Variants in TOP1MT observed in about 807,000 individuals in gnomAD.
The protein encoded by TOP1MT is DNA topoisomerase I, mitochondrial.
TOP1MT carries 80 observed loss-of-function variants against 73.9 expected under a neutral mutation model. The ratio of observed to expected loss-of-function variants is 1.08; its 90% CI spans 0.90 to 1.30. The LOEUF is 1.30. Ranked by LOEUF, TOP1MT falls within the 50% of genes most tolerant of loss-of-function variation. The pLI is 0.00. For synonymous variants in TOP1MT, 338 were observed against 326.4 expected (o/e 1.04, Z -0.38); for missense variants, 815 against 808.0 (o/e 1.01, Z -0.10).
intron 5 of TOP1MT, 114 bp from the exon 6 acceptor site, chr8:143,324,743 T>C: frequency 7.4e-7 from 1 of 1,342,514 alleles, no homozygotes; most frequent in Non-Finnish European, 1.0e-6. Flanking sequence ...GTGGCATGGC[T>C]CCTGACCGAG....
chr8:143,342,089 T>TAGAGAC (rs1554622676), intron 2 of TOP1MT, among the ~76,000 whole-genome samples: 2 of 107,620 alleles, frequency 1.9e-5, no homozygotes, highest in African/African-American at 2.1e-4. Context: ...TTATTATTAT[T>TAGAGAC]AGAGTCTCGC....
rs897886996 is a variant in TOP1MT at position 143,315,616 on chromosome 8, G to A, written c.1553+111C>T. 6.6e-5 allele frequency: 47 copies of A among 706,918 alleles called. No individual in the cohort carries two copies. The East Asian group carries it at 8.5e-4, about 13-fold the overall frequency. The allele number at this position is 706,918 out of a possible 1,614,324, so 43.8% of individuals were successfully genotyped here. On this transcript the variant is annotated intron_variant, in intron 12 of 13. Coordinates refer to ENST00000329245, the MANE Select transcript of TOP1MT (RefSeq NM_052963.3). ...TGTGTCTTTATTTCTACAATCTCTC[G>A]TCTCCGCACAAGGAGACAACAAGGG...
chr8:143,332,770 C>T (rs543639547), intron 1 of TOP1MT: 11 of 364,048 alleles, frequency 3.0e-5, no homozygotes, highest in East Asian at 1.5e-4. Flanking sequence ...TGGTGGCTCA[C>T]GCCTGTGATC....
At chr8:143,313,272 C>T (rs942879325) in intron 12 of TOP1MT, among the ~76,000 whole-genome samples, 5 of 152,150 alleles carry the variant, frequency 3.3e-5, no homozygotes, top group African/African-American at 9.7e-5. Context: ...AAGATGTGGC[C>T]GGGCGCAGTT....
intron 13 of TOP1MT, 96 bp downstream of exon 13, chr8:143,309,972 G>C (rs766498339): frequency 6.3e-7 from 1 of 1,596,892 alleles, no homozygotes; most frequent in Non-Finnish European, 8.5e-7. Context: ...CAGGGGACAC[G>C]GGACAAGGGC....
At chr8:143,330,997 G>C (rs1372161696) in intron 2 of TOP1MT, among the ~76,000 whole-genome samples, 1 of 152,204 alleles carries the variant, frequency 6.6e-6, no homozygotes, top group Non-Finnish European at 1.5e-5. Flanking sequence ...GGCACAGCCA[G>C]TGCAGGCTCA....
intron 3 of TOP1MT, chr8:143,328,444 C>T (rs1816761263): frequency 2.7e-6 from 1 of 367,076 alleles, no homozygotes; most frequent in Non-Finnish European, 5.4e-6. Flanking sequence ...CCAAAAGATG[C>T]TTAATATCAC....
intron 8 of TOP1MT, among the ~76,000 whole-genome samples, chr8:143,319,958 T>C (rs1339294024): frequency 6.6e-6 from 1 of 151,672 alleles, no homozygotes; most frequent in Admixed American, 6.6e-5. Flanking sequence ...ACCCTGTCTC[T>C]ACTAAGAATA....
rs556297610 is a variant in TOP1MT at position 143,328,739 on chromosome 8, C to T, written c.360+611G>A. On this transcript the variant is annotated intron_variant, in intron 3 of 13. Transcript: ENST00000329245. Reference sequence around the variant, plus strand: ...TAGGGAAATGGACTAGCATGAGTCACGGAACAGAGGAAACGCGACCCGGCC... The same window carrying T: ...TAGGGAAATGGACTAGCATGAGTCATGGAACAGAGGAAACGCGACCCGGCC... 4.1e-4 allele frequency among the ~76,000 whole-genome samples: 62 copies of T among 152,340 alleles called. 1 individual carries two copies. Among genetic ancestry groups the T allele is most frequent in the African/African-American group, 1.3e-3 (54 of 41,578 alleles).
chr8:143,359,339 A>T (rs1212862798), upstream of TOP1MT: 1 of 985,420 alleles, frequency 1.0e-6, no homozygotes, highest in African/African-American at 1.7e-5. Context: ...GGAGAAGAGA[A>T]GGGCAGGGAA....
At chr8:143,322,710 G>A (rs1205615523) in intron 7 of TOP1MT, among the ~76,000 whole-genome samples, 10 of 12,066 alleles carry the variant, frequency 8.3e-4, no homozygotes, top group Non-Finnish European at 1.1e-3. Flanking sequence ...CACGCCACAC[G>A]CACGCCACAC....
chr8:143,318,761 T>G (rs1816246573), intron 8 of TOP1MT, among the ~76,000 whole-genome samples: 1 of 151,698 alleles, frequency 6.6e-6, no homozygotes, highest in South Asian at 2.1e-4. Context: ...ACTGGCCCCC[T>G]CATCAGCCTG....
At position 143,342,641 on chromosome 8, in the gene TOP1MT, CTATTAT is replaced by C. The variant is rs1160096626; in HGVS notation, c.29+573_29+578del. Among the ~76,000 whole-genome samples the C allele has an allele frequency of 4.1e-4, 9 of 22,158 alleles. 2 individuals carry two copies. The highest frequency in any genetic ancestry group is 6.2e-3 in the South Asian group (2 of 322). The allele number at this position is 22,158 out of a possible 152,430, so 14.5% of individuals were successfully genotyped here. A position where few individuals can be genotyped will look rare whatever the true frequency, so the allele number is the denominator to read the frequency against. On this transcript the variant is annotated intron_variant, in intron 2 of 5. Coordinates refer to the TOP1MT transcript ENST00000518007. ...TATTATTATTAGAGACAGTCTCGCTCTATTATTATTATTATTATTAGAGACAGTCTC... is the reference window on the plus strand; with the variant it reads ...TATTATTATTAGAGACAGTCTCGCTCTATTATTATTATTAGAGACAGTCTC...
chr8:143,317,333 G>A (rs1816195699), intron 10 of TOP1MT, among the ~76,000 whole-genome samples: 1 of 152,156 alleles, frequency 6.6e-6, no homozygotes, highest in Admixed American at 6.5e-5. Flanking sequence ...GTGGACAGAG[G>A]CCCAGAGGTC....
At chr8:143,329,266 G>A in intron 3 of TOP1MT, 84 bp downstream of exon 3, 1 of 1,432,974 alleles carries the variant, frequency 7.0e-7, no homozygotes, top group East Asian at 2.6e-5. Context: ...ACTTGCGAGG[G>A]GCGTTCAGAG....
At chr8:143,322,070 C>CAG (rs200603485) in intron 7 of TOP1MT, among the ~76,000 whole-genome samples, 3 of 97,450 alleles carry the variant, frequency 3.1e-5, no homozygotes, top group Admixed American at 1.3e-4. Context: ...ACGCCACACA[C>CAG]GCACGCCACA....
intron 10 of TOP1MT, among the ~76,000 whole-genome samples, chr8:143,316,555 CGGCTTCCCCTGGCG>C (rs1816170356): frequency 4.8e-5 from 2 of 41,312 alleles, no homozygotes; most frequent in East Asian, 5.5e-4. Flanking sequence ...CCCCAGCACC[CGGCTTCCCCTGGCG>C]AGTCTGTGGG....
At chr8:143,358,732 A>ACACCT (rs1411613956), upstream of TOP1MT, 4 of 152,158 alleles carry the variant, frequency 2.6e-5, no homozygotes, top group Non-Finnish European at 5.9e-5. Flanking sequence ...CACAGAGGTG[A>ACACCT]GCCTGGACCC....
intron 10 of TOP1MT, among the ~76,000 whole-genome samples, chr8:143,316,449 C>T (rs1033892925): frequency 7.3e-5 from 11 of 151,568 alleles, no homozygotes; most frequent in Non-Finnish European, 1.6e-4. Context: ...CCCCAGCACC[C>T]GGCTTCCCCT....
Sources: gnomAD v4.1 joint callset for allele counts (sites outside exome capture counted in the v4.1 genomes callset) on GRCh38, gnomAD v4.1.1 for gene constraint, MANE v1.5 for transcripts, NCBI Gene and HGNC (gene_info 2026-07-23, HGNC 2026-07-21) for gene names.